The following ERICH5 variants were observed in gnomAD, a reference collection of about 807,000 sequenced individuals.
ERICH5 encodes the protein glutamate rich 5, also known as glutamate-rich protein 5.
ERICH5 carries 24 observed loss-of-function variants against 28.0 expected under a neutral mutation model. The ratio of observed to expected loss-of-function variants is 0.86; its 90% CI spans 0.62 to 1.21. The LOEUF (loss-of-function observed/expected upper bound fraction) is 1.21, where lower values mean the gene tolerates loss of function less well. Ranked by LOEUF, ERICH5 falls within the 50% of genes most tolerant of loss-of-function variation. The pLI is 0.00. For missense variants in ERICH5, 421 were observed against 441.2 expected, an observed-to-expected ratio of 0.95 and a Z score of 0.41; for synonymous variants, 163 against 157.6, an observed-to-expected ratio of 1.03 and a Z score of -0.25.
rs376445869 is a variant in ERICH5 at position 98,089,227 on chromosome 8, G to A, written c.210G>A (p.Glu70=). ...PPLQKLKVSA[E]PTANGVKPLQ... is the part of the protein sequence containing the mutation. ...TACAAAAGCTCAAGGTTTCAGCAGA[G>A]CCTACAGCTAATGGTGTTAAACCCC... The change falls in exon 2 of 3, where the codon GAG becomes GAA. Residue 70 remains glutamate, a synonymous_variant. Coordinates refer to ENST00000318528, the MANE Select transcript of ERICH5 (RefSeq NM_173549.3). The A allele has an allele frequency of 6.2e-7, 1 of 1,614,114 alleles. No homozygotes were observed. The highest frequency in any genetic ancestry group is 8.5e-7 in the Non-Finnish European group (1 of 1,180,046).
intron 1 of ERICH5, among the ~76,000 whole-genome samples, chr8:98,075,578 A>G (rs1297930208): frequency 2.0e-5 from 3 of 152,102 alleles, no homozygotes; most frequent in Non-Finnish European, 4.4e-5. Flanking sequence ...TGGTGGCAGC[A>G]ATCAGTCAGC....
chr8:98,090,080 C>T lies in ERICH5; in HGVS notation c.1012+51C>T, dbSNP rs1223252000. The stretch of plus-strand genomic sequence containing the variant: ...ATGTTTAGATGTGCTCCATAGGAGA[C>T]CAGCTCTGGGGAGTGGGATGGGGTG... On this transcript the variant is annotated intron_variant, in intron 2 of 2. Coordinates refer to ENST00000318528, the MANE Select transcript of ERICH5 (RefSeq NM_173549.3). 5 of 1,380,324 alleles carry T rather than the reference C, an allele frequency of 3.6e-6. No homozygotes were observed. In the East Asian group the frequency reaches 1.1e-4, roughly 32 times the overall value. The allele number at this position is 1,380,324 out of a possible 1,614,324, so 85.5% of individuals were successfully genotyped here.
chr8:98,076,343 C>A (rs561690487), intron 1 of ERICH5, among the ~76,000 whole-genome samples: 1 of 151,780 alleles, frequency 6.6e-6, no homozygotes, highest in African/African-American at 2.4e-5. Context: ...CATGAGCCAC[C>A]GTGCCCAGCC....
intron 1 of ERICH5, among the ~76,000 whole-genome samples, chr8:98,073,458 A>G (rs868775082): frequency 4.1e-4 from 4 of 9,876 alleles, no homozygotes; most frequent in Non-Finnish European, 5.9e-4. Flanking sequence ...ATATATATAT[A>G]TGTATATATA....
chr8:98,093,228 A>G lies in ERICH5; in HGVS notation c.1020A>G (p.Thr340=). 4 of 1,610,266 alleles carry G rather than the reference A, an allele frequency of 2.5e-6. No individual in the cohort carries two copies. Among genetic ancestry groups the G allele is most frequent in the Non-Finnish European group, 3.4e-6 (4 of 1,177,194 alleles). Reference sequence around the variant, plus strand: ...CTTTGGTTACTTTTCCAGGTGAGACAGGGGAAAAGGTGGAAACAGACATGG... The same window carrying G: ...CTTTGGTTACTTTTCCAGGTGAGACGGGGGAAAAGGTGGAAACAGACATGG... The part of the protein sequence containing the change: ...NEEDQRIEGE[T]GEKVETDMEN... The change falls in exon 3 of 3, where the codon ACA becomes ACG. Residue 340 remains threonine, a synonymous_variant. Transcript: ENST00000318528.
chr8:98,073,529 TATATATATATATATATA>T (rs1814987895), intron 1 of ERICH5, among the ~76,000 whole-genome samples: 1 of 29,716 alleles, frequency 3.4e-5, no homozygotes, highest in Non-Finnish European at 5.5e-5. Context: ...TATATATATA[TATATATATATATATATA>T]ATTTTTTTTT....
chr8:98,073,489 T>A (rs1343789419), intron 1 of ERICH5, among the ~76,000 whole-genome samples: 177 of 3,062 alleles, frequency 0.058, 52 homozygotes, highest in African/African-American at 0.2. Context: ...TATATATGTA[T>A]ATATATATAT....
chr8:98,091,936 C>G lies in ERICH5; in HGVS notation c.1013-1285C>G, dbSNP rs55889998. 1.7e-3 allele frequency among the ~76,000 whole-genome samples: 52 copies of G among 30,388 alleles called. 3 individuals are homozygous for G. The highest frequency in any genetic ancestry group is 5.4e-3 in the African/African-American group (49 of 9,122). 19.9% of individuals were successfully genotyped at this position (30,388 alleles called of 152,430 possible). On this transcript the variant is annotated intron_variant, in intron 2 of 2. Transcript: ENST00000318528. ...TTCTTTCTTCCTTTCTTTCTTTCTT[C>G]CTTTCTTTCTTTCTTCTTTCTTTCT...
chr8:98,072,900 G>C (rs1269073130), intron 1 of ERICH5, among the ~76,000 whole-genome samples: 1 of 151,646 alleles, frequency 6.6e-6, no homozygotes, highest in African/African-American at 2.4e-5. Context: ...GCCTGTTTCT[G>C]CCTCTTCCCA....
intron 1 of ERICH5, among the ~76,000 whole-genome samples, chr8:98,078,525 G>A (rs1417452335): frequency 6.6e-6 from 1 of 152,112 alleles, no homozygotes; most frequent in African/African-American, 2.4e-5. Flanking sequence ...CTTTTTGTTG[G>A]GTAGAAACTT....
At chr8:98,084,745 A>G (rs1815242071) in intron 1 of ERICH5, among the ~76,000 whole-genome samples, 1 of 151,946 alleles carries the variant, frequency 6.6e-6, no homozygotes, top group Admixed American at 6.6e-5. Flanking sequence ...TTTTTTAGTT[A>G]TCTTTTATTT....
At chr8:98,067,823 C>T (rs559184505) in intron 1 of ERICH5, among the ~76,000 whole-genome samples, 5 of 152,014 alleles carry the variant, frequency 3.3e-5, no homozygotes, top group South Asian at 4.2e-4. Context: ...CCATGTTGGT[C>T]GAACTCCCGC....
chr8:98,093,571 A>G lies in ERICH5; in HGVS notation c.*238A>G. The G allele has an allele frequency of 3.2e-6, 1 of 311,114 alleles. No homozygotes were observed. Among genetic ancestry groups the G allele is most frequent in the Non-Finnish European group, 5.9e-6 (1 of 170,886 alleles). The allele number at this position is 311,114 out of a possible 1,614,324, so 19.3% of individuals were successfully genotyped here. ...TTAGAATGGTTATACATTTAAAAGT[A>G]TAAAAACCAAAGCCAATAAAAATGA... On this transcript the variant is annotated 3_prime_UTR_variant, in exon 3 of 3. Transcript: ENST00000318528.
At chr8:98,082,435 C>T (rs1050279224) in intron 1 of ERICH5, among the ~76,000 whole-genome samples, 10 of 152,026 alleles carry the variant, frequency 6.6e-5, no homozygotes, top group Admixed American at 1.3e-4. Flanking sequence ...CACCTGAGGT[C>T]GGGAGTTCGA....
chr8:98,071,749 T>C (rs1261278039), intron 1 of ERICH5, among the ~76,000 whole-genome samples: 1 of 152,162 alleles, frequency 6.6e-6, no homozygotes. Flanking sequence ...CTCAGGGCTA[T>C]TGCTGTTTTT....
intron 1 of ERICH5, among the ~76,000 whole-genome samples, chr8:98,085,178 T>TTTTTTTTTTTTTTA (rs1815252072): frequency 1.0e-5 from 1 of 95,486 alleles, no homozygotes; most frequent in Non-Finnish European, 1.9e-5. Flanking sequence ...TTTTTTTTTT[T>TTTTTTTTTTTTTTA]GAGACGGAGT....
intron 2 of ERICH5, among the ~76,000 whole-genome samples, chr8:98,091,840 C>CTTTCTT (rs1554621702): frequency 5.5e-4 from 29 of 52,622 alleles, no homozygotes; most frequent in African/African-American, 2.1e-3. Flanking sequence ...TTTTCTTTTT[C>CTTTCTT]TTTCTTTCTT....
At chr8:98,067,638 G>A (rs1002745753) in intron 1 of ERICH5, among the ~76,000 whole-genome samples, 4 of 149,018 alleles carry the variant, frequency 2.7e-5, no homozygotes, top group African/African-American at 9.9e-5. Flanking sequence ...TTTTTGAGAC[G>A]GCATTTCGCT....
chr8:98,073,432 C>CTATATATATATATATATATATATATG (rs1814961776), intron 1 of ERICH5, among the ~76,000 whole-genome samples: 1 of 15,040 alleles, frequency 6.6e-5, no homozygotes, highest in Non-Finnish European at 1.1e-4. Context: ...CTCTCTCTCT[C>CTATATATATATATATATATATATATG]TATATATATA....
Sources: gnomAD v4.1 joint callset for allele counts (sites outside exome capture counted in the v4.1 genomes callset) on GRCh38, gnomAD v4.1.1 for gene constraint, MANE v1.5 for transcripts, NCBI Gene and HGNC (gene_info 2026-07-23, HGNC 2026-07-21) for gene names.